The following NECTIN2 variants were observed in gnomAD, a reference collection of about 807,000 sequenced individuals.
NECTIN2 encodes the protein nectin cell adhesion molecule 2.
NECTIN2 carries 23 observed loss-of-function variants against 56.9 expected under a neutral mutation model. The ratio of observed to expected loss-of-function variants is 0.40; its 90% confidence interval spans 0.29 to 0.57. The LOEUF (loss-of-function observed/expected upper bound fraction) is 0.57, where lower values mean the gene tolerates loss of function less well. Among genes scored for constraint, NECTIN2 ranks in the 20% least tolerant of loss-of-function variants. The pLI, the probability that NECTIN2 is intolerant of heterozygous loss-of-function variation, is 0.38. For missense variants in NECTIN2, 587 were observed against 718.3 expected (o/e 0.82, Z 2.09); for synonymous variants, 302 against 313.8 (o/e 0.96, Z 0.40).
chr19:44,882,762 C>T (rs1283130741), intron 6 of NECTIN2, among the ~76,000 whole-genome samples: 1 of 139,932 alleles, frequency 7.1e-6, no homozygotes. Context: ...AAAGACTCCT[C>T]GGAGCCCAGG....
chr19:44,865,731 G>C lies in NECTIN2; in HGVS notation c.478+71G>C. The stretch of plus-strand genomic sequence containing the variant: ...TGTGGGAGCATCCCCTTGCGGGTCA[G>C]TTTCTCTCTTGGCTTCAGCTGTGAG... On this transcript the variant is annotated intron_variant, in intron 2 of 8. Coordinates refer to ENST00000252483, the MANE Select transcript of NECTIN2 (RefSeq NM_001042724.2). This position sits in a 1 kb window ranked among gnomAD's most constrained non-coding sequence, Gnocchi z 5.2. The C allele has an allele frequency of 7.0e-7, 1 of 1,422,142 alleles. No individual in the cohort carries two copies. The highest frequency in any genetic ancestry group is 2.5e-5 in the East Asian group (1 of 39,834). 88.1% of individuals were successfully genotyped at this position (1,422,142 alleles called of 1,614,324 possible).
chr19:44,862,195 A>G (rs1442202138), intron 1 of NECTIN2, among the ~76,000 whole-genome samples: 1 of 152,150 alleles, frequency 6.6e-6, no homozygotes, highest in African/African-American at 2.4e-5. Flanking sequence ...GCGGCGGATC[A>G]CGAGGTCAGG....
In NECTIN2 at chr19:44,888,098, C is replaced by T. The variant is rs1599930482; in HGVS notation, c.1348-12C>T. ...AAGTGATCTTGAGTTCCTGTCCTCT[C>T]TCTACCTCCAGGAAATGCCTCGATA... On this transcript the variant is annotated splice_polypyrimidine_tract_variant and intron_variant, in intron 8 of 8. Coordinates refer to ENST00000252483, the MANE Select transcript of NECTIN2 (RefSeq NM_001042724.2). The T allele has an allele frequency of 6.2e-7, 1 of 1,608,954 alleles. No homozygotes were observed. Among genetic ancestry groups the T allele is most frequent in the South Asian group, 1.1e-5 (1 of 90,912 alleles).
intron 1 of NECTIN2, among the ~76,000 whole-genome samples, chr19:44,851,999 A>G (rs1968904664): frequency 6.6e-6 from 1 of 151,590 alleles, no homozygotes; most frequent in South Asian, 2.1e-4. Context: ...CTGCTTTCCC[A>G]TTCCAAGTTC....
At chr19:44,851,587 C>T (rs1968900480) in intron 1 of NECTIN2, among the ~76,000 whole-genome samples, 2 of 152,228 alleles carry the variant, frequency 1.3e-5, no homozygotes, top group Non-Finnish European at 2.9e-5. Context: ...TCACACTACA[C>T]CCTGGGCAGC....
At position 44,875,318 on chromosome 19, in the gene NECTIN2, T is replaced by G. The variant is rs1399848149; in HGVS notation, c.1042+840T>G. On this transcript the variant is annotated intron_variant, in intron 5 of 8. Transcript: ENST00000252483. The surrounding 1 kb of genome is among the most constrained non-coding windows in gnomAD (Gnocchi z 4.2). ...TCTCGCTCTGTCGCCCAGGCTGAAG[T>G]GTAGTGGCGCAATCTCAGCTCACCG... 4.6e-5 allele frequency among the ~76,000 whole-genome samples: 7 copies of G among 150,554 alleles called. No homozygotes were observed. Among genetic ancestry groups the G allele is most frequent in the Admixed American group, 4.0e-4 (6 of 15,010 alleles).
At chr19:44,857,717 T>TG (rs1568588549) in intron 1 of NECTIN2, among the ~76,000 whole-genome samples, 1 of 149,568 alleles carries the variant, frequency 6.7e-6, no homozygotes, top group African/African-American at 2.5e-5. Flanking sequence ...TTTTGTTTTT[T>TG]TTTTTTTAAG....
intron 1 of NECTIN2, among the ~76,000 whole-genome samples, chr19:44,848,043 G>C (rs1460401469): frequency 6.6e-6 from 1 of 152,174 alleles, no homozygotes; most frequent in Non-Finnish European, 1.5e-5. Flanking sequence ...GTTTCCCGAG[G>C]GTTTGCGCAG....
intron 1 of NECTIN2, among the ~76,000 whole-genome samples, chr19:44,864,160 C>T (rs1185099942): frequency 7.1e-6 from 1 of 140,450 alleles, no homozygotes; most frequent in East Asian, 2.2e-4. Flanking sequence ...CATAGCGAGA[C>T]ATTGTCTCTA....
chr19:44,884,763 A>G (rs1969341727), intron 6 of NECTIN2, among the ~76,000 whole-genome samples: 1 of 152,150 alleles, frequency 6.6e-6, no homozygotes, highest in Non-Finnish European at 1.5e-5. Context: ...GGCTTCCTGG[A>G]AGAGGGGACA....
In NECTIN2 at chr19:44,888,229, C is replaced by T. The variant is rs146573265; in HGVS notation, c.1467C>T (p.Asp489=). 20 of 1,614,106 alleles carry T rather than the reference C, an allele frequency of 1.2e-5. No homozygotes were observed. Among genetic ancestry groups the T allele is most frequent in the Admixed American group, 1.0e-4 (6 of 60,012 alleles). Residue 489 remains aspartate (D), a synonymous_variant, in exon 9 of 9, where the codon GAC becomes GAT. Coordinates refer to ENST00000252483, the MANE Select transcript of NECTIN2 (RefSeq NM_001042724.2). ...CTCCAGGGCCACCTGCTGTGGAAGA[C>T]GTTTCCCTGGATCTAGAGGATGAGG... ...PVPPGPPAVE[D]VSLDLEDEEG...
chr19:44,882,493 G>T (rs1969318704), intron 6 of NECTIN2, 129 bp downstream of exon 6: 3 of 892,126 alleles, frequency 3.4e-6, no homozygotes, highest in Non-Finnish European at 4.5e-6. Context: ...AGGAACTGGG[G>T]TCTAAATGGA....
At chr19:44,848,825 T>A (rs1320051038) in intron 1 of NECTIN2, among the ~76,000 whole-genome samples, 1 of 152,060 alleles carries the variant, frequency 6.6e-6, no homozygotes, top group African/African-American at 2.4e-5. Context: ...TCTCCGTCTT[T>A]CTCTGTATAC....
At position 44,886,202 on chromosome 19, in the gene NECTIN2, G is replaced by T. The variant is rs533933961; in HGVS notation, c.1330G>T (p.Ala444Ser). The change falls in exon 8 of 9, where the codon GCC (alanine) becomes TCC (serine). Residue 444 changes from alanine to serine, a missense_variant. Transcript: ENST00000252483. ...PLKTPYFDAG[A>S]SCTEQEMPRY... ...CAAGACCCCCTACTTTGATGCTGGC[G>T]CCTCATGCACTGAGCAGGTAGGAGC... 1.2e-6 allele frequency: 2 copies of T among 1,611,928 alleles called. No individual in the cohort carries two copies. Among genetic ancestry groups the T allele is most frequent in the Non-Finnish European group, 1.7e-6 (2 of 1,179,492 alleles).
chr19:44,884,101 C>T (rs921352914), intron 6 of NECTIN2, among the ~76,000 whole-genome samples: 19 of 150,588 alleles, frequency 1.3e-4, no homozygotes, highest in Non-Finnish European at 2.4e-4. Context: ...CAGAGTGAGA[C>T]CTTGTAAAAA....
chr19:44,880,925 A>C (rs544818911), intron 5 of NECTIN2, among the ~76,000 whole-genome samples: 1 of 152,086 alleles, frequency 6.6e-6, no homozygotes, highest in Admixed American at 6.5e-5. Context: ...GGCGCGCGCT[A>C]GCATGCCCAG....
chr19:44,851,233 A>G (rs1019354910), intron 1 of NECTIN2, among the ~76,000 whole-genome samples: 1 of 149,520 alleles, frequency 6.7e-6, no homozygotes, highest in Non-Finnish European at 1.5e-5. Context: ...CCAGGAGTCC[A>G]GGCCCCCATC....
intron 6 of NECTIN2, among the ~76,000 whole-genome samples, chr19:44,882,650 G>C (rs892047837): frequency 1.5e-5 from 2 of 134,314 alleles, no homozygotes; most frequent in Non-Finnish European, 3.1e-5. Flanking sequence ...CCAGGAATTT[G>C]AGCCCAGTCT....
chr19:44,860,418 T>C (rs985864292), intron 1 of NECTIN2, among the ~76,000 whole-genome samples: 1 of 151,890 alleles, frequency 6.6e-6, no homozygotes, highest in Admixed American at 6.6e-5. Flanking sequence ...GGGGCTGAGG[T>C]GGGAGGATCA....
Sources: gnomAD v4.1 joint callset for allele counts (sites outside exome capture counted in the v4.1 genomes callset) on GRCh38, gnomAD v4.1.1 for gene constraint, Gnocchi (gnomAD v3.1) non-coding constraint, MANE v1.5 for transcripts, NCBI Gene and HGNC (gene_info 2026-07-23, HGNC 2026-07-21) for gene names.